Variants in TRIM9 observed in about 807,000 individuals in gnomAD.
The protein encoded by TRIM9 is tripartite motif containing 9, also known as E3 ubiquitin-protein ligase TRIM9.
Under a neutral mutation model 78.3 loss-of-function variants are expected in TRIM9, and 26 were observed. The ratio of observed to expected loss-of-function variants is 0.33; its 90% confidence interval spans 0.24 to 0.46. The LOEUF (loss-of-function observed/expected upper bound fraction) is 0.46. Ranked by LOEUF, TRIM9 falls within the 20% of genes least tolerant of loss-of-function variation. The pLI is 1.00. For synonymous variants in TRIM9, 398 were observed against 416.5 expected, an observed-to-expected ratio of 0.96 and a Z score of 0.54; for missense variants, 787 against 1,036.4, an observed-to-expected ratio of 0.76 and a Z score of 3.30.
chr14:51,085,026 C>T (rs557334181), intron 1 of TRIM9, among the ~76,000 whole-genome samples: 1 of 152,312 alleles, frequency 6.6e-6, no homozygotes, highest in Non-Finnish European at 1.5e-5. Flanking sequence ...CTGCAACCTG[C>T]TTTGTTCAGA....
At chr14:51,082,399 A>G (rs1404565952) in intron 1 of TRIM9, among the ~76,000 whole-genome samples, 1 of 152,232 alleles carries the variant, frequency 6.6e-6, no homozygotes, top group African/African-American at 2.4e-5. Flanking sequence ...GCTATATGCA[A>G]TACAATAGGA....
At chr14:50,993,093 C>G (rs2053730184) in intron 7 of TRIM9, among the ~76,000 whole-genome samples, 1 of 152,108 alleles carries the variant, frequency 6.6e-6, no homozygotes. Flanking sequence ...TAGTAACTTT[C>G]ATTTGGTAGT....
chr14:51,070,399 C>T (rs1433013069), intron 1 of TRIM9, among the ~76,000 whole-genome samples: 2 of 152,116 alleles, frequency 1.3e-5, no homozygotes, highest in African/African-American at 2.4e-5. Context: ...CCTCTATTTC[C>T]CCTAGGAGCA....
chr14:50,999,541 A>T (rs12323589), intron 6 of TRIM9, among the ~76,000 whole-genome samples: 6 of 152,094 alleles, frequency 3.9e-5, no homozygotes, highest in Admixed American at 3.3e-4. Context: ...GTAGAAGACA[A>T]GGCCCCTGCT....
intron 1 of TRIM9, among the ~76,000 whole-genome samples, chr14:51,049,528 G>A (rs2060221942): frequency 6.6e-6 from 1 of 152,050 alleles, no homozygotes; most frequent in South Asian, 2.1e-4. Context: ...ATGTGTAAGT[G>A]TAATAATATA....
chr14:51,071,038 G>C (rs527922790), intron 1 of TRIM9, among the ~76,000 whole-genome samples: 5 of 152,154 alleles, frequency 3.3e-5, no homozygotes, highest in African/African-American at 1.2e-4. Flanking sequence ...ACATTTCGGG[G>C]TTTTGGTGGA....
At chr14:51,014,828 T>C (rs2056980847) in intron 3 of TRIM9, among the ~76,000 whole-genome samples, 1 of 152,204 alleles carries the variant, frequency 6.6e-6, no homozygotes, top group South Asian at 2.1e-4. Context: ...TTGGCTCTGA[T>C]GTGCCAGAGA....
intron 1 of TRIM9, among the ~76,000 whole-genome samples, chr14:51,081,727 G>A (rs2063323740): frequency 6.6e-6 from 1 of 152,120 alleles, no homozygotes; most frequent in African/African-American, 2.4e-5. Context: ...TAATTCACTA[G>A]AATGACTCAC....
At position 51,094,251 on chromosome 14, in the gene TRIM9, G is replaced by C; in HGVS notation, c.689C>G (p.Thr230Arg). ...GCTGTGGTTCTCCAGCTCGTGGTCT[G>C]TGCAGGTGGAGACCTTGCGTGGGCT... ...RLSPRKVSTC[T>R]DHELENHSMY... is the part of the protein sequence containing the mutation. The change falls in exon 1 of 13, where the codon ACA becomes AGA. Residue 230 changes from threonine to arginine, a missense_variant. By Grantham distance (71) the Thr-to-Arg change is moderately conservative. This residue lies in a region of TRIM9 where 352 missense variants were observed against 472.3 expected (regional missense o/e 0.75). Transcript: ENST00000684578. The C allele has an allele frequency of 6.2e-7, 1 of 1,614,244 alleles. No homozygotes were observed. The highest frequency in any genetic ancestry group is 8.5e-7 in the Non-Finnish European group (1 of 1,180,042).
chr14:51,024,826 G>T (rs1274253811), intron 2 of TRIM9, among the ~76,000 whole-genome samples: 1 of 151,222 alleles, frequency 6.6e-6, no homozygotes, highest in South Asian at 2.1e-4. Flanking sequence ...GAATGAAAAA[G>T]AAAAAAAGGA....
At chr14:50,987,832 C>CA (rs1299556693) in intron 7 of TRIM9, among the ~76,000 whole-genome samples, 2 of 152,102 alleles carry the variant, frequency 1.3e-5, no homozygotes, top group Admixed American at 1.3e-4. Flanking sequence ...GACAGGGTCT[C>CA]ACTCTGTTGC....
chr14:51,041,026 C>A (rs961503590), intron 1 of TRIM9, among the ~76,000 whole-genome samples: 3 of 152,174 alleles, frequency 2.0e-5, no homozygotes, highest in African/African-American at 7.2e-5. Context: ...TTTCCTTCCA[C>A]AACAAAATTA....
intron 1 of TRIM9, among the ~76,000 whole-genome samples, chr14:51,089,709 A>C (rs1416775180): frequency 6.6e-6 from 1 of 152,232 alleles, no homozygotes; most frequent in Non-Finnish European, 1.5e-5. Context: ...ATTCAACTGA[A>C]TATTCTCTCT....
chr14:51,095,043 C>G lies in TRIM9; in HGVS notation c.-104G>C, dbSNP rs2064807618. 1 of 870,440 alleles carries G rather than the reference C, an allele frequency of 1.1e-6. No individual in the cohort carries two copies. Among genetic ancestry groups the G allele is most frequent in the South Asian group, 4.0e-5 (1 of 24,932 alleles). The allele number at this position is 870,440 out of a possible 1,614,324, so 53.9% of individuals were successfully genotyped here. A position where few individuals can be genotyped will look rare whatever the true frequency, so the allele number is the denominator to read the frequency against. ...CCAGCACCCTGGCCAGCGGCGGCGG[C>G]TGTGGTGGTGGTGCCTTCCCGCGCA... is the stretch of plus-strand genomic sequence containing the variant. On this transcript the variant is annotated 5_prime_UTR_variant, in exon 1 of 13. Transcript: ENST00000684578.
chr14:51,080,471 ACACACACACG>A (rs2063201321), intron 1 of TRIM9, among the ~76,000 whole-genome samples: 1 of 140,196 alleles, frequency 7.1e-6, no homozygotes, highest in Non-Finnish European at 1.6e-5. Flanking sequence ...ACACACACAC[ACACACACACG>A]GAGAAACAAC....
At chr14:51,001,504 C>G (rs1170792951) in intron 5 of TRIM9, among the ~76,000 whole-genome samples, 6 of 152,126 alleles carry the variant, frequency 3.9e-5, no homozygotes, top group Non-Finnish European at 8.8e-5. Flanking sequence ...GCTGGGATTA[C>G]AGGCGTGAGC....
chr14:51,060,354 C>T (rs1327477582), intron 1 of TRIM9, among the ~76,000 whole-genome samples: 5 of 152,142 alleles, frequency 3.3e-5, no homozygotes, highest in Middle Eastern at 3.2e-3. Context: ...ACATTCTCTC[C>T]GTATGTCATA....
At chr14:51,006,534 G>C (rs995546647) in intron 5 of TRIM9, among the ~76,000 whole-genome samples, 1 of 152,102 alleles carries the variant, frequency 6.6e-6, no homozygotes, top group African/African-American at 2.4e-5. Flanking sequence ...AAATTATTCA[G>C]ATTCTAAAGA....
intron 1 of TRIM9, among the ~76,000 whole-genome samples, chr14:51,045,468 G>A (rs1330558831): frequency 6.6e-6 from 1 of 152,218 alleles, no homozygotes; most frequent in African/African-American, 2.4e-5. Flanking sequence ...GGAGGTTAGG[G>A]ACAGGATGTC....
Sources: allele counts gnomAD v4.1 joint callset (sites outside exome capture counted in the v4.1 genomes callset), GRCh38; gene constraint gnomAD v4.1.1; regional missense constraint gnomAD v4.1.1; transcripts MANE v1.5; gene names NCBI Gene and HGNC (gene_info 2026-07-23, HGNC 2026-07-21).